The following CEP72 variants were observed in gnomAD, a reference collection of about 807,000 sequenced individuals.
CEP72 encodes centrosomal protein 72, also known as centrosomal protein of 72 kDa.
CEP72 carries 78 observed loss-of-function variants against 65.7 expected under a neutral mutation model. The ratio of observed to expected loss-of-function variants is 1.19; its 90% CI spans 0.99 to 1.43. The LOEUF is 1.43. Ranked by LOEUF, CEP72 falls within the 40% of genes most tolerant of loss-of-function variation. CEP72 has a pLI of 0.00. For missense variants in CEP72, 914 were observed against 832.9 expected, an observed-to-expected ratio of 1.10 and a Z score of -1.20; for synonymous variants, 358 against 351.7, an observed-to-expected ratio of 1.02 and a Z score of -0.20.
chr5:660,798 G>C (rs1209841804), downstream of CEP72: 1 of 152,336 alleles, frequency 6.6e-6, no homozygotes, highest in Admixed American at 6.5e-5. Context: ...TGGGGGCTGG[G>C]GTAGGAGGTG....
the CEP72 span, among the ~76,000 whole-genome samples, chr5:675,550 G>C: frequency 0.017 from 2,444 of 145,718 alleles, 60 homozygotes; most frequent in African/African-American, 0.059. Flanking sequence ...CCGTGTGGCC[G>C]GGGGTGCAGT....
At chr5:642,933 C>T in intron 9 of CEP72, 1 of 985,478 alleles carries the variant, frequency 1.0e-6, no homozygotes, top group Non-Finnish European at 1.2e-6. Context: ...AGTCGGGTGT[C>T]CTGAGGCAAG....
downstream of CEP72, among the ~76,000 whole-genome samples, chr5:669,707 C>T (rs566502484): frequency 6.6e-5 from 10 of 152,172 alleles, no homozygotes; most frequent in South Asian, 1.0e-3. Context: ...CATTCAGATC[C>T]GGACACCTGC....
intron 9 of CEP72, chr5:643,567 C>G: frequency 1.0e-6 from 1 of 985,408 alleles, no homozygotes; most frequent in Non-Finnish European, 1.2e-6. Context: ...GCTTCTGCTG[C>G]ACAGACTCAG....
At chr5:621,542 G>A (rs548574844) in intron 3 of CEP72, among the ~76,000 whole-genome samples, 6 of 152,220 alleles carry the variant, frequency 3.9e-5, no homozygotes, top group Non-Finnish European at 8.8e-5. Flanking sequence ...ATGAACACCC[G>A]GCAGCCCTCA....
At chr5:671,411 C>T (rs1468819219), downstream of CEP72, among the ~76,000 whole-genome samples, 2 of 152,190 alleles carry the variant, frequency 1.3e-5, no homozygotes, top group African/African-American at 2.4e-5. Context: ...CCATCCACCC[C>T]AGTCTCGGCC....
At chr5:672,480 G>A in the CEP72 span, among the ~76,000 whole-genome samples, 4 of 152,262 alleles carry the variant, frequency 2.6e-5, no homozygotes, top group East Asian at 1.9e-4. Flanking sequence ...AGCTGAGACC[G>A]CAGCCCAGCC....
rs149798337 is a variant in CEP72, at chr5:639,032, G to A, written c.1207-57G>A. 352 of 1,607,406 alleles carry A rather than the reference G, an allele frequency of 2.2e-4. 6 individuals are homozygous for A. In the East Asian group the frequency reaches 5.8e-3, roughly 26 times the overall value. On this transcript the variant is annotated intron_variant, in intron 7 of 11. Transcript: ENST00000264935. ...CCCAGGGTGCGCTTGGGCACCTGCT[G>A]GCATTCAGGACCTCAGTTACTGACT...
rs1323807638 is a variant in CEP72, at chr5:639,188, G to A, written c.1306G>A (p.Gly436Ser). The A allele has an allele frequency of 5.6e-6, 9 of 1,606,492 alleles. No homozygotes were observed. The Admixed American group carries it at 6.7e-5, about 12-fold the overall frequency. ...GGACCTGGTGGACAGGAGCTGGGGCGGCTGCAGGTCCCTGCACAGCAACGA... is the reference window on the plus strand; with the variant it reads ...GGACCTGGTGGACAGGAGCTGGGGCAGCTGCAGGTCCCTGCACAGCAACGA... ...LLDLVDRSWG[G>S]CRSLHSNEAF... The change falls in exon 8 of 12, where the codon GGC becomes AGC. Residue 436 changes from glycine to serine, a missense_variant. Physicochemically the swap from Gly to Ser is moderately conservative, Grantham distance 56 (BLOSUM62 0). Coordinates refer to ENST00000264935, the MANE Select transcript of CEP72 (RefSeq NM_018140.4).
chr5:622,705 G>A (rs1736469634), intron 3 of CEP72, among the ~76,000 whole-genome samples: 1 of 152,236 alleles, frequency 6.6e-6, no homozygotes, highest in African/African-American at 2.4e-5. Flanking sequence ...CCTGGCTGCT[G>A]TGCCTGACAC....
In CEP72 at chr5:645,268, G is replaced by A. The variant is rs1361516281; in HGVS notation, c.1666+843G>A. On this transcript the variant is annotated intron_variant, in intron 10 of 11. Coordinates refer to ENST00000264935, the MANE Select transcript of CEP72 (RefSeq NM_018140.4). This position sits in a 1 kb window ranked among gnomAD's most constrained non-coding sequence, Gnocchi z 4.0. ...TGGCCGCTCTGTCTCCTTTGGGGCA[G>A]CGTCTCCTTGGATCTTTCGCCCGTT... is the stretch of plus-strand genomic sequence containing the variant. Among the ~76,000 whole-genome samples the A allele has an allele frequency of 6.6e-6, 1 of 152,130 alleles. No homozygotes were observed. The highest frequency in any genetic ancestry group is 1.5e-5 in the Non-Finnish European group (1 of 68,026).
intron 4 of CEP72, among the ~76,000 whole-genome samples, chr5:625,432 G>A (rs139522967): frequency 1.3e-5 from 2 of 152,328 alleles, no homozygotes; most frequent in East Asian, 3.9e-4. Context: ...TGGAGGCTGC[G>A]TGACCTCTGT....
intron 9 of CEP72, 189 bp from the exon 10 acceptor site, chr5:644,110 G>T: frequency 3.3e-6 from 2 of 601,890 alleles, no homozygotes; most frequent in Non-Finnish European, 2.9e-6. Flanking sequence ...CCCTGAGGGT[G>T]CTGCAGGGCT....
intron 9 of CEP72, chr5:641,009 A>G (rs1406887247): frequency 2.0e-5 from 20 of 985,342 alleles, no homozygotes; most frequent in Non-Finnish European, 2.4e-5. Flanking sequence ...AGCTGGGGCT[A>G]CAGGGCAAGT....
chr5:652,961 A>G (rs1244230569), intron 11 of CEP72, 27 bp from the exon 12 acceptor site: 8 of 1,578,386 alleles, frequency 5.1e-6, no homozygotes, highest in Non-Finnish European at 6.9e-6. Context: ...GGAAGTGCCA[A>G]GCAGCCGCTT....
chr5:626,233 A>G (rs1344081987), intron 4 of CEP72, among the ~76,000 whole-genome samples: 1 of 151,082 alleles, frequency 6.6e-6, no homozygotes, highest in East Asian at 2.0e-4. Flanking sequence ...TCCTTTTCTT[A>G]CCTTACTGCC....
chr5:668,160 G>A (rs565081235), downstream of CEP72, among the ~76,000 whole-genome samples: 1 of 127,684 alleles, frequency 7.8e-6, no homozygotes, highest in Non-Finnish European at 1.7e-5. Context: ...GGGAAGTACC[G>A]ACAAGCACAC....
In CEP72 at chr5:653,115, C is replaced by T. The variant is rs758023934; in HGVS notation, c.1906C>T (p.His636Tyr). The change falls in exon 12 of 12, where the codon CAC (histidine) becomes TAC (tyrosine). Residue 636 changes from histidine (H) to tyrosine (Y), a missense_variant. By Grantham distance (83) the His-to-Tyr change is moderately conservative (BLOSUM62 2). Coordinates refer to ENST00000264935, the MANE Select transcript of CEP72 (RefSeq NM_018140.4). ...CAAGAAGACCATGGCCCTGTTTCCA[C>T]ACAGCAGCGCCAGCCATGGAGGCTG... is the stretch of plus-strand genomic sequence containing the variant. ...ELKKTMALFPHSSASHGGCQA... is the reference protein window; with the variant it reads ...ELKKTMALFPYSSASHGGCQA... 22 of 1,612,218 alleles carry T rather than the reference C, an allele frequency of 1.4e-5. No homozygotes were observed. Among genetic ancestry groups the T allele is most frequent in the African/African-American group, 2.7e-5 (2 of 74,938 alleles).
At chr5:670,448 G>A (rs571788921), downstream of CEP72, among the ~76,000 whole-genome samples, 6 of 152,230 alleles carry the variant, frequency 3.9e-5, no homozygotes, top group East Asian at 1.9e-4. Context: ...GTACTTAGGC[G>A]AGTCTGAGAG....
Sources: gnomAD v4.1 joint callset for allele counts (sites outside exome capture counted in the v4.1 genomes callset) on GRCh38, gnomAD v4.1.1 for gene constraint, Gnocchi (gnomAD v3.1) non-coding constraint, MANE v1.5 for transcripts, NCBI Gene and HGNC (gene_info 2026-07-23, HGNC 2026-07-21) for gene names.